PSMA1: variants seen among roughly 807,000 people sequenced by gnomAD.
PSMA1 encodes the protein proteasome subunit alpha type-1.
In PSMA1, 3 loss-of-function variants were observed where a neutral mutation model predicts 38.4. The ratio of observed to expected loss-of-function variants is 0.08; its 90% CI spans 0.04 to 0.20. The LOEUF (loss-of-function observed/expected upper bound fraction) is 0.20, where lower values mean the gene tolerates loss of function less well. PSMA1 is among the 10% of genes least tolerant of loss of function. PSMA1 has a pLI of 1.00. For missense variants in PSMA1, 227 were observed against 325.3 expected (o/e 0.70, Z 2.32); for synonymous variants, 101 against 107.1 (o/e 0.94, Z 0.35).
At chr11:14,528,570 G>T (rs1851612339) in intron 2 of PSMA1, among the ~76,000 whole-genome samples, 1 of 151,848 alleles carries the variant, frequency 6.6e-6, no homozygotes, top group Non-Finnish European at 1.5e-5. Context: ...AATTTTCGCT[G>T]CCCCAACTCT....
chr11:14,572,830 G>C (rs1435329736), intron 2 of PSMA1, among the ~76,000 whole-genome samples: 1 of 152,062 alleles, frequency 6.6e-6, no homozygotes, highest in African/African-American at 2.4e-5. Context: ...TGATAAAGGG[G>C]ATATTACCAC....
At chr11:14,640,173 T>A (rs886861947) in intron 1 of PSMA1, among the ~76,000 whole-genome samples, 27 of 151,074 alleles carry the variant, frequency 1.8e-4, no homozygotes, top group Non-Finnish European at 3.0e-5. Flanking sequence ...TAATACAGAG[T>A]TGAAAGAGAG....
intron 4 of PSMA1, among the ~76,000 whole-genome samples, chr11:14,516,373 T>C (rs1851429626): frequency 6.6e-6 from 1 of 152,122 alleles, no homozygotes. Flanking sequence ...CCCAGCTAAG[T>C]TTTAAAATTT....
chr11:14,516,296 C>A (rs566504238), intron 4 of PSMA1, among the ~76,000 whole-genome samples: 2 of 152,240 alleles, frequency 1.3e-5, no homozygotes, highest in African/African-American at 4.8e-5. Flanking sequence ...CCTTGAAATC[C>A]TAGGCTCAAG....
chr11:14,532,612 A>C (rs1448241649), intron 2 of PSMA1, among the ~76,000 whole-genome samples: 1 of 150,970 alleles, frequency 6.6e-6, no homozygotes, highest in Middle Eastern at 3.2e-3. Context: ...CTCAAAAAAA[A>C]AAAAAAAGGG....
At chr11:14,629,351 G>GT (rs1852967566) in intron 1 of PSMA1, among the ~76,000 whole-genome samples, 1 of 152,154 alleles carries the variant, frequency 6.6e-6, no homozygotes, top group Non-Finnish European at 1.5e-5. Flanking sequence ...TATATAAGGT[G>GT]TAAGGAAGGG....
Position 14,577,067 on chromosome 11 carries a change from T to C in PSMA1, c.21+33899A>G, listed in dbSNP as rs192084227. Among the ~76,000 whole-genome samples the C allele has an allele frequency of 1.8e-3, 268 of 152,330 alleles. 7 individuals carry two copies. Among genetic ancestry groups the C allele is most frequent in the Admixed American group, 0.017 (265 of 15,300 alleles). ...ACTGTAAATGGCAGTTCACTCATGATTTGGCTCTCTGTTTGTCTGTTATTG... is the reference window on the plus strand; with the variant it reads ...ACTGTAAATGGCAGTTCACTCATGACTTGGCTCTCTGTTTGTCTGTTATTG... On this transcript the variant is annotated intron_variant, in intron 2 of 10. Transcript: ENST00000418988.
chr11:14,577,475 A>T (rs1217902100), intron 2 of PSMA1, among the ~76,000 whole-genome samples: 1 of 152,076 alleles, frequency 6.6e-6, no homozygotes, highest in Admixed American at 6.6e-5. Context: ...CATACTGTGA[A>T]CCCTCACATC....
At chr11:14,560,824 T>C (rs1335327197) in intron 2 of PSMA1, among the ~76,000 whole-genome samples, 2 of 152,176 alleles carry the variant, frequency 1.3e-5, no homozygotes, top group Admixed American at 1.3e-4. Context: ...CAGAAGGCGA[T>C]TTCATTACTC....
At chr11:14,517,769 T>TAA (rs59770964) in intron 3 of PSMA1, 24 bp from the exon 4 acceptor site, 235 of 1,319,662 alleles carry the variant, frequency 1.8e-4, no homozygotes, top group South Asian at 2.4e-4. Flanking sequence ...TTATAAGATG[T>TAA]AAAAAAAAAA....
chr11:14,546,640 G>A (rs1361333928), intron 2 of PSMA1, among the ~76,000 whole-genome samples: 1 of 152,128 alleles, frequency 6.6e-6, no homozygotes, highest in Non-Finnish European at 1.5e-5. Context: ...GTTTCACCAT[G>A]TTGGCCAGGC....
intron 1 of PSMA1, among the ~76,000 whole-genome samples, chr11:14,630,926 C>A (rs530833152): frequency 1.2e-4 from 19 of 152,292 alleles, no homozygotes; most frequent in African/African-American, 4.3e-4. Context: ...TTATCCATTT[C>A]TTCTAGATTT....
rs1853150022 is a variant in PSMA1, at chr11:14,638,565, ATATATATATATATATATATATTTTTTT to A, written c.-166+4863_-166+4889del. The stretch of plus-strand genomic sequence containing the variant: ...TCTCTCTATATATATATATATATAT[ATATATATATATATATATATATTTTTTT>A]TTTTTTTTTTTTTTTTTTTTTTTTG... On this transcript the variant is annotated intron_variant, in intron 1 of 10. Coordinates refer to the PSMA1 transcript ENST00000418988. Among the ~76,000 whole-genome samples, 3 of 14,218 alleles carry A rather than the reference ATATATATATATATATATATATTTTTTT, an allele frequency of 2.1e-4. No individual in the cohort carries two copies. The East Asian group carries it at 4.3e-3, about 20-fold the overall frequency. The allele number at this position is 14,218 out of a possible 152,430, so 9.3% of individuals were successfully genotyped here. A position where few individuals can be genotyped will look rare whatever the true frequency, so the allele number is the denominator to read the frequency against.
intron 2 of PSMA1, among the ~76,000 whole-genome samples, chr11:14,530,086 T>C (rs1439314248): frequency 6.6e-6 from 1 of 152,222 alleles, no homozygotes; most frequent in Non-Finnish European, 1.5e-5. Flanking sequence ...AAGTATTGAA[T>C]GAATGAATTC....
rs546365201 is a variant in PSMA1, at chr11:14,561,776, G to A, written c.22-42735C>T. ...ACAAAAGGACAACAGCTTATGATTT[G>A]TGCACTCTAGTCCTAAACTAAACTA... On this transcript the variant is annotated intron_variant, in intron 2 of 10. Transcript: ENST00000418988. 2.2e-4 allele frequency among the ~76,000 whole-genome samples: 33 copies of A among 151,760 alleles called. No individual in the cohort carries two copies. The South Asian group carries it at 6.2e-3, about 29-fold the overall frequency.
At position 14,593,613 on chromosome 11, in the gene PSMA1, TGAGAGAGAGAGAGAGAGA is replaced by T. The variant is rs59225796; in HGVS notation, c.21+17335_21+17352del. Among the ~76,000 whole-genome samples the T allele has an allele frequency of 2.3e-3, 228 of 98,994 alleles. 3 individuals carry two copies. Among genetic ancestry groups the T allele is most frequent in the East Asian group, 0.015 (50 of 3,286 alleles). 64.9% of individuals were successfully genotyped at this position (98,994 alleles called of 152,430 possible). A position where few individuals can be genotyped will look rare whatever the true frequency, so the allele number is the denominator to read the frequency against. ...AAAGAAAGTAATAGAGGAGGAAAAA[TGAGAGAGAGAGAGAGAGA>T]GAGAGAGAGAGAGAGAGAGAGAGAG... On this transcript the variant is annotated intron_variant, in intron 2 of 10. Transcript: ENST00000418988.
chr11:14,533,652 G>C (rs550026536), intron 2 of PSMA1, among the ~76,000 whole-genome samples: 1 of 150,368 alleles, frequency 6.7e-6, no homozygotes, highest in African/African-American at 2.4e-5. Flanking sequence ...TCCTGGGCTC[G>C]AGCCATCTAC....
rs772171860 is a variant in PSMA1, at chr11:14,505,077, A to C, written c.*115T>G. ...AACTCACATCTGGACTGATTCCTAAAACATAGCATTCCACCACTCTGCAAC... is the reference window on the plus strand; with the variant it reads ...AACTCACATCTGGACTGATTCCTAACACATAGCATTCCACCACTCTGCAAC... On this transcript the variant is annotated 3_prime_UTR_variant, in exon 10 of 10. Coordinates refer to ENST00000396394, the MANE Select transcript of PSMA1 (RefSeq NM_002786.4). 5.5e-5 allele frequency: 52 copies of C among 949,748 alleles called. No homozygotes were observed. The highest frequency in any genetic ancestry group is 8.4e-5 in the Non-Finnish European group (49 of 584,372). The allele number at this position is 949,748 out of a possible 1,614,324, so 58.8% of individuals were successfully genotyped here.
chr11:14,585,111 TA>T (rs1296807884), intron 2 of PSMA1, among the ~76,000 whole-genome samples: 1 of 152,234 alleles, frequency 6.6e-6, no homozygotes, highest in Admixed American at 6.5e-5. Flanking sequence ...TTAATTGGGT[TA>T]TACATGCTTC....
Sources: allele counts gnomAD v4.1 joint callset (sites outside exome capture counted in the v4.1 genomes callset), GRCh38; gene constraint gnomAD v4.1.1; transcripts MANE v1.5; gene names NCBI Gene and HGNC (gene_info 2026-07-23, HGNC 2026-07-21).